The following RAB10 variants were observed in gnomAD, a reference collection of about 807,000 sequenced individuals.
RAB10 encodes RAB10, member RAS oncogene family.
A neutral mutation model predicts 25.7 loss-of-function variants in RAB10; 5 were observed. The ratio of observed to expected loss-of-function variants is 0.19; its 90% CI spans 0.10 to 0.41. The LOEUF (loss-of-function observed/expected upper bound fraction) is 0.41. Ranked by LOEUF, RAB10 falls within the 10% of genes least tolerant of loss-of-function variation. The pLI, the probability that RAB10 is intolerant of heterozygous loss-of-function variation, is 1.00. For missense variants in RAB10, 103 were observed against 245.8 expected, an observed-to-expected ratio of 0.42 and a Z score of 3.89; for synonymous variants, 89 against 86.4, an observed-to-expected ratio of 1.03 and a Z score of -0.16.
chr2:26,061,238 C>T (rs925145604), intron 1 of RAB10, among the ~76,000 whole-genome samples: 2 of 151,844 alleles, frequency 1.3e-5, no homozygotes, highest in African/African-American at 4.8e-5. Flanking sequence ...CCTCAGTGCC[C>T]CCAAGTTGCT....
At chr2:26,055,545 G>A (rs556445693) in intron 1 of RAB10, among the ~76,000 whole-genome samples, 42 of 151,878 alleles carry the variant, frequency 2.8e-4, no homozygotes, top group Non-Finnish European at 4.4e-4. Context: ...ACACCACTGC[G>A]CCCAGCTAAT....
intron 1 of RAB10, among the ~76,000 whole-genome samples, chr2:26,095,647 A>G (rs371887191): frequency 1.3e-4 from 20 of 151,504 alleles, no homozygotes; most frequent in African/African-American, 4.8e-4. Context: ...GCAGTGGCTC[A>G]CGCCCGTAAT....
intron 2 of RAB10, among the ~76,000 whole-genome samples, chr2:26,099,573 CTCTGTCGCCCATGCTGGAGAGCAGT>C (rs1667300464): frequency 8.6e-6 from 1 of 116,884 alleles, no homozygotes; most frequent in Non-Finnish European, 1.6e-5. Context: ...TGGAGTCTCG[CTCTGTCGCCCATGCTGGAGAGCAGT>C]GGCGCTATTT....
rs1212438557 is a variant in RAB10, at chr2:26,135,201, T to C, written c.*180T>C. 3 of 508,182 alleles carry C rather than the reference T, an allele frequency of 5.9e-6. No individual in the cohort carries two copies. The highest frequency in any genetic ancestry group is 6.9e-6 in the Non-Finnish European group (2 of 291,554). 31.5% of individuals were successfully genotyped at this position (508,182 alleles called of 1,614,324 possible). On this transcript the variant is annotated 3_prime_UTR_variant, in exon 6 of 6. Transcript: ENST00000264710. ...CTGCTTGCTGACTTTATCATAATTT[T>C]CTTCAAACAAAAAAATGTATAGAAA...
intron 4 of RAB10, 168 bp downstream of exon 4, chr2:26,127,401 A>G (rs759959194): frequency 1.4e-5 from 8 of 582,012 alleles, no homozygotes; most frequent in Non-Finnish European, 2.4e-5. Context: ...TTTTCAGTGC[A>G]TATTTAACAT....
rs1667533869 is a variant in RAB10 at position 26,109,702 on chromosome 2, T to C, written c.189-66T>C. On this transcript the variant is annotated intron_variant, in intron 2 of 5. Coordinates refer to ENST00000264710, the MANE Select transcript of RAB10 (RefSeq NM_016131.5). ...ATACTTAGGAAAAACTATTCTTGTT[T>C]TGTCCTTTATGTGAAATGTAGTAAT... 6.3e-6 allele frequency: 9 copies of C among 1,421,756 alleles called. No individual in the cohort carries two copies. The Admixed American group carries it at 1.4e-4, about 21-fold the overall frequency. The allele number at this position is 1,421,756 out of a possible 1,614,324, so 88.1% of individuals were successfully genotyped here. A position where few individuals can be genotyped will look rare whatever the true frequency, so the allele number is the denominator to read the frequency against.
chr2:26,083,799 G>A (rs905217136), intron 1 of RAB10, among the ~76,000 whole-genome samples: 2 of 152,124 alleles, frequency 1.3e-5, no homozygotes, highest in East Asian at 1.9e-4. Context: ...GATTACAGGC[G>A]TGAGCAGCTG....
At chr2:26,114,919 C>G (rs1667650667) in intron 3 of RAB10, among the ~76,000 whole-genome samples, 1 of 151,336 alleles carries the variant, frequency 6.6e-6, no homozygotes, top group African/African-American at 2.4e-5. Context: ...GAAAAAAAAC[C>G]AAAAAGGATC....
intron 1 of RAB10, among the ~76,000 whole-genome samples, chr2:26,035,249 A>G (rs1478923996): frequency 6.6e-6 from 1 of 152,120 alleles, no homozygotes; most frequent in Non-Finnish European, 1.5e-5. Flanking sequence ...CTCATTCACT[A>G]ATCCATTGAT....
chr2:26,057,703 A>G (rs1666298515), intron 1 of RAB10, among the ~76,000 whole-genome samples: 1 of 151,134 alleles, frequency 6.6e-6, no homozygotes, highest in South Asian at 2.1e-4. Context: ...GCTGACTGCA[A>G]CCTTCATCTC....
intron 1 of RAB10, among the ~76,000 whole-genome samples, chr2:26,063,613 A>C (rs1180983153): frequency 6.6e-6 from 1 of 152,206 alleles, no homozygotes; most frequent in Middle Eastern, 3.2e-3. Context: ...ATCTTTATTC[A>C]AGCTTCCTCA....
intron 1 of RAB10, among the ~76,000 whole-genome samples, chr2:26,088,249 C>G (rs1159642957): frequency 1.3e-5 from 2 of 152,180 alleles, no homozygotes; most frequent in Non-Finnish European, 2.9e-5. Flanking sequence ...CCTCTTGCCA[C>G]TGGATGGTGC....
At chr2:26,092,302 TGTGTGTGTGTGTGTGTGTG>T (rs1559590826) in intron 1 of RAB10, among the ~76,000 whole-genome samples, 1,948 of 119,272 alleles carry the variant, frequency 0.016, 23 homozygotes, top group Middle Eastern at 0.026. Context: ...TGTGTGTGTG[TGTGTGTGTGTGTGTGTGTG>T]TTGGGGTGGT....
At chr2:26,121,946 C>T (rs1667810007) in intron 3 of RAB10, among the ~76,000 whole-genome samples, 1 of 152,140 alleles carries the variant, frequency 6.6e-6, no homozygotes. Context: ...CAGTAAATCC[C>T]ATATTGCAAT....
intron 2 of RAB10, among the ~76,000 whole-genome samples, chr2:26,108,435 G>A (rs562902840): frequency 2.0e-5 from 3 of 152,230 alleles, no homozygotes; most frequent in South Asian, 4.1e-4. Flanking sequence ...TTCCACTTAC[G>A]TAACATTCTG....
chr2:26,109,015 A>G (rs888009604), intron 2 of RAB10, among the ~76,000 whole-genome samples: 1 of 151,878 alleles, frequency 6.6e-6, no homozygotes, highest in Non-Finnish European at 1.5e-5. Context: ...GTGTTCAAGC[A>G]GTTCTCTTAC....
At position 26,137,381 on chromosome 2, in the gene RAB10, T is replaced by G. The variant is rs1668133157; in HGVS notation, c.*2360T>G. 3 of 152,690 alleles carry G rather than the reference T, an allele frequency of 2.0e-5. No individual in the cohort carries two copies. Among genetic ancestry groups the G allele is most frequent in the African/African-American group, 7.2e-5 (3 of 41,466 alleles). The allele number at this position is 152,690 out of a possible 1,614,324, so 9.5% of individuals were successfully genotyped here. A position where few individuals can be genotyped will look rare whatever the true frequency, so the allele number is the denominator to read the frequency against. ...CTACAAATTCGGTTTCATATTCTACTTAACAATTTAAATAAACTGAAATAT... is the reference window on the plus strand; with the variant it reads ...CTACAAATTCGGTTTCATATTCTACGTAACAATTTAAATAAACTGAAATAT... On this transcript the variant is annotated 3_prime_UTR_variant, in exon 6 of 6. Coordinates refer to ENST00000264710, the MANE Select transcript of RAB10 (RefSeq NM_016131.5).
intron 1 of RAB10, among the ~76,000 whole-genome samples, chr2:26,069,728 T>TG (rs1355427661): frequency 6.6e-6 from 1 of 150,640 alleles, no homozygotes; most frequent in African/African-American, 2.5e-5. Context: ...TTTTTTGAGA[T>TG]GGGGTCTCAC....
At chr2:26,116,294 A>T (rs1005154862) in intron 3 of RAB10, among the ~76,000 whole-genome samples, 1 of 152,210 alleles carries the variant, frequency 6.6e-6, no homozygotes, top group African/African-American at 2.4e-5. Flanking sequence ...CTAGGACTAC[A>T]GGCATGTGCC....
Sources: allele counts gnomAD v4.1 joint callset (sites outside exome capture counted in the v4.1 genomes callset), GRCh38; gene constraint gnomAD v4.1.1; transcripts MANE v1.5; gene names NCBI Gene and HGNC (gene_info 2026-07-23, HGNC 2026-07-21).